INSR: variants seen among roughly 807,000 people sequenced by gnomAD.
The protein encoded by INSR is insulin receptor, also known as IR.
Under a neutral mutation model 142.6 loss-of-function variants are expected in INSR, and 67 were observed. That is an observed-to-expected ratio of 0.47 (90% CI 0.39 to 0.58). The LOEUF (loss-of-function observed/expected upper bound fraction) is 0.58. Ranked by LOEUF, INSR falls within the 20% of genes least tolerant of loss-of-function variation. The pLI is 0.00. For missense variants in INSR, 1,248 were observed against 1,833.2 expected, an observed-to-expected ratio of 0.68 and a Z score of 5.83; for synonymous variants, 756 against 743.1, an observed-to-expected ratio of 1.02 and a Z score of -0.28.
chr19:7,195,653 A>AAAATAAAT (rs138270962), intron 2 of INSR, among the ~76,000 whole-genome samples: 26 of 151,128 alleles, frequency 1.7e-4, no homozygotes, highest in African/African-American at 4.6e-4. Context: ...AAAAAAAATA[A>AAAATAAAT]AAATAAATAA....
At position 7,225,807 on chromosome 19, in the gene INSR, G is replaced by A. The variant is rs984154104; in HGVS notation, c.653-41170C>T. 5.3e-5 allele frequency among the ~76,000 whole-genome samples: 8 copies of A among 152,158 alleles called. No homozygotes were observed. Among genetic ancestry groups the A allele is most frequent in the Admixed American group, 2.6e-4 (4 of 15,280 alleles). On this transcript the variant is annotated intron_variant, in intron 2 of 21. Coordinates refer to ENST00000302850, the MANE Select transcript of INSR (RefSeq NM_000208.4). The surrounding 1 kb of genome is among the most constrained non-coding windows in gnomAD (Gnocchi z 4.7). ...ATGGAGGCGATTCTGCCCACCAGGA[G>A]ACACCTGGCAGTGTCTGGAGACATT...
intron 2 of INSR, among the ~76,000 whole-genome samples, chr19:7,213,669 G>A (rs748125247): frequency 1.2e-4 from 19 of 152,268 alleles, no homozygotes; most frequent in Middle Eastern, 3.4e-3. Context: ...AAAGACTTCA[G>A]ACAGGAAAAG....
chr19:7,292,155 A>T (rs939768329), intron 1 of INSR, among the ~76,000 whole-genome samples: 2 of 150,514 alleles, frequency 1.3e-5, no homozygotes, highest in African/African-American at 4.9e-5. Flanking sequence ...CAGTGGTGCC[A>T]TCTGAGCTCA....
intron 2 of INSR, among the ~76,000 whole-genome samples, chr19:7,255,089 A>G (rs931551234): frequency 1.4e-5 from 2 of 147,470 alleles, no homozygotes; most frequent in African/African-American, 2.5e-5. Flanking sequence ...CGTTATCTTC[A>G]CCACTCAAGA....
At chr19:7,185,597 AT>A (rs773877337) in intron 2 of INSR, among the ~76,000 whole-genome samples, 19 of 151,604 alleles carry the variant, frequency 1.3e-4, no homozygotes, top group Non-Finnish European at 2.7e-4. Context: ...AATCCTAGCA[AT>A]TTGGGAGGTC....
intron 13 of INSR, 45 bp downstream of exon 13, chr19:7,141,632 C>T: frequency 6.2e-7 from 1 of 1,612,556 alleles, no homozygotes; most frequent in Admixed American, 1.7e-5. Flanking sequence ...TCTGAAGGGG[C>T]ATGCTGAAGT....
At chr19:7,163,925 T>TAAAAAAA (rs748862314) in intron 8 of INSR, among the ~76,000 whole-genome samples, 2,211 of 44,516 alleles carry the variant, frequency 0.05, 196 homozygotes, top group Non-Finnish European at 0.069. Flanking sequence ...CTATCTCTAC[T>TAAAAAAA]AAAAAAAAAA....
At chr19:7,278,728 G>T (rs189314302) in intron 1 of INSR, among the ~76,000 whole-genome samples, 1 of 151,344 alleles carries the variant, frequency 6.6e-6, no homozygotes, top group African/African-American at 2.4e-5. Flanking sequence ...GTGTGGTGGC[G>T]TGTGCCTGTA....
At position 7,156,433 on chromosome 19, in the gene INSR, G is replaced by C. The variant is rs1472721651; in HGVS notation, c.2030-3506C>G. On this transcript the variant is annotated intron_variant, in intron 9 of 21. Transcript: ENST00000302850. ...TTGATCAGTGAATGGTTCTCACCCA[G>C]GGGGTGATTTTGTCTCCTACTAGGG... 3.3e-5 allele frequency among the ~76,000 whole-genome samples: 5 copies of C among 152,220 alleles called. No homozygotes were observed. The East Asian group carries it at 9.7e-4, about 29-fold the overall frequency.
At chr19:7,279,886 C>T (rs556563066) in intron 1 of INSR, among the ~76,000 whole-genome samples, 2 of 149,924 alleles carry the variant, frequency 1.3e-5, no homozygotes, top group East Asian at 2.0e-4. Context: ...GAGGATTGCT[C>T]GAGCCTGGGA....
At position 7,114,127 on chromosome 19, in the gene INSR, C is replaced by T. The variant is rs1406875570; in HGVS notation, c.*2929G>A. 1 of 151,604 alleles carries T rather than the reference C, an allele frequency of 6.6e-6. No homozygotes were observed. Among genetic ancestry groups the T allele is most frequent in the Non-Finnish European group, 1.5e-5 (1 of 68,000 alleles). 9.4% of individuals were successfully genotyped at this position (151,604 alleles called of 1,614,324 possible). On this transcript the variant is annotated 3_prime_UTR_variant, in exon 22 of 22. Transcript: ENST00000302850. ...GGAATTTCCCTCACATGCTCCCATCCCACTTGGAGAATTTAAAAAGACATT... is the reference window on the plus strand; with the variant it reads ...GGAATTTCCCTCACATGCTCCCATCTCACTTGGAGAATTTAAAAAGACATT...
Position 7,125,205 on chromosome 19 carries a change from C to T in INSR, c.3258+78G>A, listed in dbSNP as rs375236416. The T allele has an allele frequency of 3.0e-4, 472 of 1,576,588 alleles. 7 individuals carry two copies. In the South Asian group the frequency reaches 4.3e-3, roughly 14 times the overall value. The stretch of plus-strand genomic sequence containing the variant: ...GGAGGTTACACCCTGTGTCCTCTGT[C>T]GCTCTGTGCAGGAGGAGGAGGCAGA... On this transcript the variant is annotated intron_variant, in intron 17 of 21. Coordinates refer to ENST00000302850, the MANE Select transcript of INSR (RefSeq NM_000208.4). The surrounding 1 kb of genome is among the most constrained non-coding windows in gnomAD (Gnocchi z 4.9).
Position 7,143,853 on chromosome 19 carries a change from A to G in INSR, c.2268-763T>C, listed in dbSNP as rs149271096. 6.5e-3 allele frequency among the ~76,000 whole-genome samples: 984 copies of G among 152,256 alleles called. 7 individuals are homozygous for G. Among genetic ancestry groups the G allele is most frequent in the East Asian group, 0.042 (215 of 5,178 alleles). The stretch of plus-strand genomic sequence containing the variant: ...GCAGATAACCTGAGGTTAGGAGTTC[A>G]AGACCAGTCTGGCCAACATGGGGAA... On this transcript the variant is annotated intron_variant, in intron 11 of 21. Coordinates refer to ENST00000302850, the MANE Select transcript of INSR (RefSeq NM_000208.4).
intron 9 of INSR, among the ~76,000 whole-genome samples, chr19:7,157,170 G>C (rs1414106765): frequency 6.6e-6 from 1 of 152,206 alleles, no homozygotes; most frequent in Non-Finnish European, 1.5e-5. Context: ...AGTAGAGACG[G>C]GGTTTGGCCA....
chr19:7,222,162 T>C (rs944590997), intron 2 of INSR, among the ~76,000 whole-genome samples: 16 of 144,440 alleles, frequency 1.1e-4, no homozygotes, highest in Non-Finnish European at 2.1e-4. Flanking sequence ...GAGTGACCCA[T>C]GCTCAGCTGA....
At chr19:7,253,216 TTTTA>T (rs1976785946) in intron 2 of INSR, among the ~76,000 whole-genome samples, 1 of 142,888 alleles carries the variant, frequency 7.0e-6, no homozygotes, top group African/African-American at 2.5e-5. Context: ...CAGTGTAATT[TTTTA>T]TTTATTTATT....
chr19:7,293,684 G>C lies in INSR; in HGVS notation c.100+108C>G, dbSNP rs1027277273. 3 of 939,348 alleles carry C rather than the reference G, an allele frequency of 3.2e-6. No homozygotes were observed. The South Asian group carries it at 1.3e-4, about 40-fold the overall frequency. The allele number at this position is 939,348 out of a possible 1,614,324, so 58.2% of individuals were successfully genotyped here. On this transcript the variant is annotated intron_variant, in intron 1 of 21. Transcript: ENST00000302850. ...GCTACCGTCCTGGCCACCGCCCCCC[G>C]CCCCTGGGGAGGGTTCTCAGTCCAC... is the stretch of plus-strand genomic sequence containing the variant.
chr19:7,254,015 C>A (rs191547544), intron 2 of INSR, among the ~76,000 whole-genome samples: 50 of 141,148 alleles, frequency 3.5e-4, no homozygotes, highest in Admixed American at 7.4e-4. Context: ...GGTGACAGAG[C>A]GAAACTCCAT....
Position 7,229,103 on chromosome 19 carries a change from GTGGA to G in INSR, c.652+38238_652+38241del, listed in dbSNP as rs569895254. Among the ~76,000 whole-genome samples the G allele has an allele frequency of 7.9e-5, 12 of 150,950 alleles. No homozygotes were observed. The East Asian group carries it at 1.2e-3, about 15-fold the overall frequency. ...TATGGATGGATGGGTGATTGGATGA[GTGGA>G]TGGATGGATGGGTGAGTGAATGGAT... On this transcript the variant is annotated intron_variant, in intron 2 of 21. Coordinates refer to ENST00000302850, the MANE Select transcript of INSR (RefSeq NM_000208.4).
Sources: allele counts gnomAD v4.1 joint callset (sites outside exome capture counted in the v4.1 genomes callset), GRCh38; gene constraint gnomAD v4.1.1; non-coding constraint Gnocchi (gnomAD v3.1); transcripts MANE v1.5; gene names NCBI Gene and HGNC (gene_info 2026-07-23, HGNC 2026-07-21).